The following PLEK2 variants were observed in gnomAD, a reference collection of about 807,000 sequenced individuals.
PLEK2 encodes pleckstrin 2.
PLEK2 carries 29 observed loss-of-function variants against 43.8 expected under a neutral mutation model. That is an observed-to-expected ratio of 0.66 (90% CI 0.49 to 0.90). The LOEUF (loss-of-function observed/expected upper bound fraction) is 0.90, where lower values mean the gene tolerates loss of function less well. Among genes scored for constraint, PLEK2 ranks in the 40% least tolerant of loss-of-function variants. The probability of loss-of-function intolerance (pLI) is 0.00; values close to 1 mark genes in which losing one functional copy is unlikely to be tolerated. For missense variants in PLEK2, 398 were observed against 448.1 expected (o/e 0.89, Z 1.01); for synonymous variants, 162 against 173.2 (o/e 0.94, Z 0.51).
intron 7 of PLEK2, among the ~76,000 whole-genome samples, chr14:67,388,716 GTCTT>G (rs780465399): frequency 6.6e-6 from 1 of 152,144 alleles, no homozygotes; most frequent in East Asian, 1.9e-4. Context: ...GTCTCACTCT[GTCTT>G]TCAGGCTGGA....
intron 6 of PLEK2, among the ~76,000 whole-genome samples, chr14:67,391,842 C>T (rs1256826135): frequency 6.6e-6 from 1 of 152,088 alleles, no homozygotes; most frequent in African/African-American, 2.4e-5. Flanking sequence ...GAATAGGGAG[C>T]CTTACAGTGG....
At chr14:67,392,551 G>A (rs1046481162) in intron 5 of PLEK2, 111 bp downstream of exon 5, 38 of 1,221,852 alleles carry the variant, frequency 3.1e-5, no homozygotes, top group East Asian at 2.1e-4. Flanking sequence ...GGATGAAGTC[G>A]TCCCCCAAGC....
chr14:67,392,560 G>GC, intron 5 of PLEK2, 102 bp downstream of exon 5: 1 of 1,258,622 alleles, frequency 7.9e-7, no homozygotes, highest in East Asian at 2.3e-5. Context: ...CGTCCCCCAA[G>GC]CCCAAGGTCT....
In PLEK2 at chr14:67,410,005, G is replaced by A. The variant is rs545086663; in HGVS notation, c.42+2013C>T. ...TGCCTCAGGGTCAGGCTCCATCCCA[G>A]TCTTTGGGTCTGGCTGGAATGAGCT... On this transcript the variant is annotated intron_variant, in intron 1 of 8. Coordinates refer to ENST00000216446, the MANE Select transcript of PLEK2 (RefSeq NM_016445.3). Among the ~76,000 whole-genome samples the A allele has an allele frequency of 2.6e-5, 4 of 152,226 alleles. No individual in the cohort carries two copies. In the East Asian group the frequency reaches 7.7e-4, roughly 29 times the overall value.
At chr14:67,406,434 G>A (rs1443273685) in intron 1 of PLEK2, among the ~76,000 whole-genome samples, 3 of 152,094 alleles carry the variant, frequency 2.0e-5, no homozygotes, top group Non-Finnish European at 4.4e-5. Context: ...AGTTAGGCAG[G>A]TCAGGAAGTC....
chr14:67,394,636 CTTTGATGGG>C (rs1388993352), intron 3 of PLEK2, among the ~76,000 whole-genome samples: 1 of 152,058 alleles, frequency 6.6e-6, no homozygotes, highest in Non-Finnish European at 1.5e-5. Flanking sequence ...ATTCATACAT[CTTTGATGGG>C]TGTTAACAGT....
chr14:67,399,689 C>G (rs929450208), intron 1 of PLEK2, among the ~76,000 whole-genome samples: 2 of 128,180 alleles, frequency 1.6e-5, no homozygotes, highest in African/African-American at 7.0e-5. Context: ...TTAGGTGGGT[C>G]TCAGGTGGCA....
chr14:67,397,633 G>A (rs1317724406), intron 2 of PLEK2, 29 bp downstream of exon 2: 22 of 1,584,216 alleles, frequency 1.4e-5, no homozygotes, highest in Non-Finnish European at 1.9e-5. Flanking sequence ...GGAACAGAGA[G>A]GAGCTGGACA....
At chr14:67,408,271 A>T (rs968590761) in intron 1 of PLEK2, among the ~76,000 whole-genome samples, 2 of 150,066 alleles carry the variant, frequency 1.3e-5, no homozygotes, top group Admixed American at 1.3e-4. Context: ...GGGCAACAAG[A>T]GCAAAATTCG....
At chr14:67,390,919 T>C (rs192873475) in intron 6 of PLEK2, among the ~76,000 whole-genome samples, 173 bp from the exon 7 acceptor site, 5 of 152,276 alleles carry the variant, frequency 3.3e-5, no homozygotes, top group Non-Finnish European at 7.3e-5. Flanking sequence ...CAGACCTCCC[T>C]GCCAACACCC....
chr14:67,391,287 G>GTA (rs2085965871), intron 6 of PLEK2, among the ~76,000 whole-genome samples: 1 of 151,174 alleles, frequency 6.6e-6, no homozygotes, highest in Admixed American at 6.6e-5. Flanking sequence ...GTGTGTGTGT[G>GTA]TGTGTGTGTG....
chr14:67,395,638 G>C (rs1039592244), intron 2 of PLEK2, 55 bp from the exon 3 acceptor site: 2 of 1,544,482 alleles, frequency 1.3e-6, no homozygotes, highest in Non-Finnish European at 1.8e-6. Context: ...AGAGGACGCC[G>C]GGCAGCAAAA....
intron 1 of PLEK2, among the ~76,000 whole-genome samples, chr14:67,406,414 G>C (rs568560886): frequency 3.3e-5 from 5 of 152,240 alleles, no homozygotes; most frequent in Admixed American, 2.6e-4. Flanking sequence ...CAGTCTTCCT[G>C]GTTGTGTGGA....
intron 1 of PLEK2, among the ~76,000 whole-genome samples, chr14:67,400,842 T>G (rs1263427450): frequency 6.6e-6 from 1 of 151,658 alleles, no homozygotes; most frequent in Non-Finnish European, 1.5e-5. Flanking sequence ...AATTAAAAAT[T>G]AGCTGGGCAT....
chr14:67,391,573 TAACG>T (rs775136151), intron 6 of PLEK2, among the ~76,000 whole-genome samples: 1 of 152,054 alleles, frequency 6.6e-6, no homozygotes, highest in Non-Finnish European at 1.5e-5. Flanking sequence ...ATGCTCCGAG[TAACG>T]ATGGGAGTGG....
intron 3 of PLEK2, 72 bp downstream of exon 3, chr14:67,395,330 G>A: frequency 2.2e-6 from 3 of 1,372,766 alleles, no homozygotes; most frequent in Non-Finnish European, 3.1e-6. Flanking sequence ...GCCCCCCCAA[G>A]GGGCAGGGTC....
intron 2 of PLEK2, 35 bp downstream of exon 2, chr14:67,397,627 C>A (rs750681730): frequency 7.6e-6 from 12 of 1,573,206 alleles, no homozygotes; most frequent in Admixed American, 1.7e-5. Context: ...GGCTGTGGAA[C>A]AGAGAGGAGC....
intron 7 of PLEK2, among the ~76,000 whole-genome samples, chr14:67,389,395 C>A (rs112016762): frequency 3.6e-4 from 54 of 152,010 alleles, no homozygotes; most frequent in Admixed American, 3.1e-3. Flanking sequence ...TCAGCCTAAA[C>A]AGGAGGAAGA....
chr14:67,408,179 A>C (rs186419049), intron 1 of PLEK2, among the ~76,000 whole-genome samples: 1,793 of 151,884 alleles, frequency 0.012, 30 homozygotes, highest in African/African-American at 0.041. Context: ...TCAGCTACTC[A>C]GGAGGCTGAG....
Sources: gnomAD v4.1 joint callset for allele counts (sites outside exome capture counted in the v4.1 genomes callset) on GRCh38, gnomAD v4.1.1 for gene constraint, MANE v1.5 for transcripts, NCBI Gene and HGNC (gene_info 2026-07-23, HGNC 2026-07-21) for gene names.